ZNF860: variants seen among roughly 807,000 people sequenced by gnomAD.
ZNF860 encodes zinc finger protein 860.
For missense variants in ZNF860, 641 were observed against 759.2 expected, an observed-to-expected ratio of 0.84 and a Z score of 1.83; for synonymous variants, 206 against 248.9, an observed-to-expected ratio of 0.83 and a Z score of 1.62.
downstream of ZNF860, among the ~76,000 whole-genome samples, chr3:31,993,735 A>G (rs116749123): frequency 0.016 from 2,393 of 152,152 alleles, 25 homozygotes; most frequent in Non-Finnish European, 0.023. Flanking sequence ...GCTGGTGAGG[A>G]TGTGGAGTAA....
Position 31,990,389 on chromosome 3 carries a change from G to A in ZNF860, c.1310G>A (p.Arg437His), listed in dbSNP as rs193000789. The change falls in exon 2 of 2, where the codon CGT becomes CAT. Residue 437 changes from arginine to histidine, a missense_variant. Arg to His is a conservative substitution (Grantham distance 29). Transcript: ENST00000360311. ...KCNKCGKFFR[R>H]RSYLVVHWRT... ...AATAAATGTGGCAAATTTTTTAGAC[G>A]TCGTTCATATCTCGTAGTTCATTGG... The A allele has an allele frequency of 1.2e-4, 190 of 1,613,568 alleles. 2 individuals carry two copies. In the African/African-American group the frequency reaches 1.9e-3, roughly 16 times the overall value.
Position 31,991,122 on chromosome 3 carries a change from C to A in ZNF860, c.*144C>A. ...GTTTCAGTTGACTTGACATTGAGTT[C>A]AAGCATTAATTGACATTAAAGTGTT... is the stretch of plus-strand genomic sequence containing the variant. On this transcript the variant is annotated 3_prime_UTR_variant, in exon 2 of 2. Coordinates refer to ENST00000360311, the MANE Select transcript of ZNF860 (RefSeq NM_001137674.3). The A allele has an allele frequency of 1.2e-6, 1 of 843,218 alleles. No individual in the cohort carries two copies. 52.2% of individuals were successfully genotyped at this position (843,218 alleles called of 1,614,324 possible). A position where few individuals can be genotyped will look rare whatever the true frequency, so the allele number is the denominator to read the frequency against.
At chr3:31,982,349 A>ACT (rs538597546) in intron 1 of ZNF860, among the ~76,000 whole-genome samples, 1 of 151,988 alleles carries the variant, frequency 6.6e-6, no homozygotes, top group Non-Finnish European at 1.5e-5. Context: ...AGGAACTCAG[A>ACT]CTCTCTCTCT....
At chr3:31,992,256 C>A (rs6781919), downstream of ZNF860, among the ~76,000 whole-genome samples, 1 of 151,926 alleles carries the variant, frequency 6.6e-6, no homozygotes, top group African/African-American at 2.4e-5. Flanking sequence ...AATATAGTCA[C>A]TTGATTTTGA....
Position 31,990,368 on chromosome 3 carries a change from A to G in ZNF860, c.1289A>G (p.Lys430Arg), listed in dbSNP as rs1288819978. Residue 430 changes from lysine (K) to arginine (R), a missense_variant, in exon 2 of 2, where the codon AAA becomes AGA. By Grantham distance (26) the Lys-to-Arg change is conservative. Transcript: ENST00000360311. ...HNEERSYKCN[K>R]CGKFFRRRSY... ...GAAGAGAGATCTTACAAGTGTAATA[A>G]ATGTGGCAAATTTTTTAGACGTCGT... 1.7e-5 allele frequency: 28 copies of G among 1,613,956 alleles called. No homozygotes were observed. The highest frequency in any genetic ancestry group is 2.4e-5 in the Non-Finnish European group (28 of 1,179,982).
downstream of ZNF860, among the ~76,000 whole-genome samples, chr3:31,994,006 C>G (rs917750071): frequency 6.6e-6 from 1 of 152,066 alleles, no homozygotes; most frequent in Non-Finnish European, 1.5e-5. Context: ...AAAATGTAAA[C>G]CAACTATGGT....
rs1698987618 is a variant in ZNF860 at position 31,989,233 on chromosome 3, A to G, written c.154A>G (p.Met52Val). The change falls in exon 2 of 2, where the codon ATG becomes GTG. Residue 52 changes from methionine to valine, a missense_variant. By Grantham distance (21) the Met-to-Val change is conservative (BLOSUM62 1). Coordinates refer to ENST00000360311, the MANE Select transcript of ZNF860 (RefSeq NM_001137674.3). ...TACGCAGAGGGCTTTATACAGGGCCATGATGTTGGAGAACTACAGGAACCT... is the reference window on the plus strand; with the variant it reads ...TACGCAGAGGGCTTTATACAGGGCCGTGATGTTGGAGAACTACAGGAACCT... ...DPTQRALYRAMMLENYRNLHS... is the reference protein window; with the variant it reads ...DPTQRALYRAVMLENYRNLHS... 1.9e-6 allele frequency: 3 copies of G among 1,614,106 alleles called. No homozygotes were observed. The highest frequency in any genetic ancestry group is 2.2e-5 in the South Asian group (2 of 91,094).
chr3:31,991,230 G>A lies in ZNF860; in HGVS notation c.*252G>A, dbSNP rs537127699. Reference sequence around the variant, plus strand: ...GGAGGTCAAGACGGATAGATCACTTGAGGTCAGGAGTTTGAGACCATCCTG... The same window carrying A: ...GGAGGTCAAGACGGATAGATCACTTAAGGTCAGGAGTTTGAGACCATCCTG... On this transcript the variant is annotated 3_prime_UTR_variant, in exon 2 of 2. Coordinates refer to ENST00000360311, the MANE Select transcript of ZNF860 (RefSeq NM_001137674.3). 1 of 432,342 alleles carries A rather than the reference G, an allele frequency of 2.3e-6. No individual in the cohort carries two copies. Among genetic ancestry groups the A allele is most frequent in the Non-Finnish European group, 4.2e-6 (1 of 237,820 alleles). The allele number at this position is 432,342 out of a possible 1,614,324, so 26.8% of individuals were successfully genotyped here.
the ZNF860 span, among the ~76,000 whole-genome samples, chr3:31,998,359 A>G: frequency 6.6e-6 from 1 of 152,190 alleles, no homozygotes; most frequent in Non-Finnish European, 1.5e-5. Flanking sequence ...AAAACCCCTC[A>G]GAAAAAATTC....
At chr3:31,994,402 CAA>C (rs972532746), downstream of ZNF860, among the ~76,000 whole-genome samples, 3 of 152,002 alleles carry the variant, frequency 2.0e-5, no homozygotes, top group African/African-American at 7.3e-5. Context: ...ACTTCTCAAA[CAA>C]ATTTTTAAAA....
intron 1 of ZNF860, among the ~76,000 whole-genome samples, chr3:31,987,721 C>T (rs1698956087): frequency 6.6e-6 from 1 of 152,210 alleles, no homozygotes; most frequent in Non-Finnish European, 1.5e-5. Context: ...CTCCTGAAGC[C>T]TAGTCTGGGA....
At position 31,982,455 on chromosome 3, in the gene ZNF860, TAA is replaced by T. The variant is rs35289632; in HGVS notation, c.-421+560_-421+561del. Reference sequence around the variant, plus strand: ...TCAAGCAGATAAATACTTCAAGAGTTAAAAAAAATTACTAAATGGAAAAGTCA... The same window carrying T: ...TCAAGCAGATAAATACTTCAAGAGTTAAAAAATTACTAAATGGAAAAGTCA... On this transcript the variant is annotated intron_variant, in intron 1 of 1. Coordinates refer to ENST00000360311, the MANE Select transcript of ZNF860 (RefSeq NM_001137674.3). Among the ~76,000 whole-genome samples the T allele has an allele frequency of 2.1e-4, 32 of 152,026 alleles. No individual in the cohort carries two copies. The East Asian group carries it at 5.2e-3, about 25-fold the overall frequency.
chr3:31,998,332 G>C, the ZNF860 span, among the ~76,000 whole-genome samples: 1 of 152,086 alleles, frequency 6.6e-6, no homozygotes, highest in Non-Finnish European at 1.5e-5. Flanking sequence ...CACCACTGGC[G>C]ACTCACCCTT....
In ZNF860 at chr3:31,989,747, T is replaced by C; in HGVS notation, c.668T>C (p.Val223Ala). The change falls in exon 2 of 2, where the codon GTA becomes GCA. Residue 223 changes from valine to alanine, a missense_variant. Transcript: ENST00000360311. ...TCATTACTCACACTAAAACAGGAAG[T>C]ACACATAAGAGAAAAATCTTTCCAA... ...HSSLLTLKQEVHIREKSFQCN... is the reference protein window; with the variant it reads ...HSSLLTLKQEAHIREKSFQCN... 3 of 1,614,152 alleles carry C rather than the reference T, an allele frequency of 1.9e-6. No homozygotes were observed. The East Asian group carries it at 6.7e-5, about 36-fold the overall frequency.
intron 1 of ZNF860, among the ~76,000 whole-genome samples, chr3:31,983,303 T>C (rs1285413534): frequency 6.6e-6 from 1 of 152,180 alleles, no homozygotes; most frequent in Non-Finnish European, 1.5e-5. Flanking sequence ...TGCCTTTTAT[T>C]GGAGACTGCC....
the ZNF860 span, among the ~76,000 whole-genome samples, chr3:31,997,548 G>A: frequency 1.3e-5 from 2 of 151,856 alleles, no homozygotes; most frequent in Non-Finnish European, 2.9e-5. Context: ...CAGCCACCGT[G>A]CCAGGGCAAA....
At chr3:31,985,169 G>A (rs1427697241) in intron 1 of ZNF860, among the ~76,000 whole-genome samples, 3 of 152,168 alleles carry the variant, frequency 2.0e-5, no homozygotes. Flanking sequence ...AACCCAGAAG[G>A]CAGAGGTTGC....
At chr3:31,984,064 G>A (rs753076518) in intron 1 of ZNF860, among the ~76,000 whole-genome samples, 2 of 152,006 alleles carry the variant, frequency 1.3e-5, no homozygotes, top group Non-Finnish European at 2.9e-5. Flanking sequence ...TGAGACTGGA[G>A]TCTCGCTCTG....
rs906726837 is a variant in ZNF860 at position 31,989,607 on chromosome 3, T to C, written c.528T>C (p.Gly176=). Residue 176 remains glycine (G), a synonymous_variant, in exon 2 of 2, where the codon GGT becomes GGC. Transcript: ENST00000360311. ...LHIFQTKGKV[G]NQVEKSINDA... ...TATTTCAGACCAAAGGGAAAGTTGGTAATCAAGTTGAGAAGTCTATCAACG... is the reference window on the plus strand; with the variant it reads ...TATTTCAGACCAAAGGGAAAGTTGGCAATCAAGTTGAGAAGTCTATCAACG... The C allele has an allele frequency of 6.2e-7, 1 of 1,614,226 alleles. No individual in the cohort carries two copies. Among genetic ancestry groups the C allele is most frequent in the South Asian group, 1.1e-5 (1 of 91,086 alleles).
Sources: allele counts gnomAD v4.1 joint callset (sites outside exome capture counted in the v4.1 genomes callset), GRCh38; gene constraint gnomAD v4.1.1; transcripts MANE v1.5; gene names NCBI Gene and HGNC (gene_info 2026-07-23, HGNC 2026-07-21).